Variants in YEATS2 observed in about 807,000 individuals in gnomAD.
YEATS2 encodes the protein YEATS domain containing 2.
Under a neutral mutation model 163.2 loss-of-function variants are expected in YEATS2, and 77 were observed. The ratio of observed to expected loss-of-function variants is 0.47; its 90% CI spans 0.39 to 0.57. The LOEUF is 0.57. Among genes scored for constraint, YEATS2 ranks in the 20% least tolerant of loss-of-function variants. YEATS2 has a pLI of 0.00. For missense variants in YEATS2, 1,549 were observed against 1,729.8 expected (o/e 0.90, Z 1.85); for synonymous variants, 631 against 645.1 (o/e 0.98, Z 0.33).
intron 3 of YEATS2, 76 bp from the exon 4 acceptor site, chr3:183,718,424 C>T: frequency 6.6e-6 from 7 of 1,055,634 alleles, no homozygotes; most frequent in South Asian, 1.7e-5. Context: ...ATTCACGTTT[C>T]TTATTTTGTG....
chr3:183,716,289 T>A (rs1448540768), intron 2 of YEATS2, among the ~76,000 whole-genome samples: 1 of 152,188 alleles, frequency 6.6e-6, no homozygotes, highest in African/African-American at 2.4e-5. Flanking sequence ...AAACAAATTA[T>A]TACTGAACTT....
intron 29 of YEATS2, 113 bp downstream of exon 29, chr3:183,808,217 C>T: frequency 1.2e-6 from 1 of 814,536 alleles, no homozygotes; most frequent in African/African-American, 1.8e-5. Flanking sequence ...AATGTCTCGT[C>T]TTATTTGGGC....
intron 1 of YEATS2, among the ~76,000 whole-genome samples, chr3:183,709,357 A>G (rs1714945414): frequency 6.6e-6 from 1 of 151,902 alleles, no homozygotes; most frequent in Non-Finnish European, 1.5e-5. Flanking sequence ...TTTTTTTGAG[A>G]TAAAGTTTCT....
chr3:183,808,229 T>A, intron 29 of YEATS2, 125 bp downstream of exon 29: 2 of 748,734 alleles, frequency 2.7e-6, no homozygotes, highest in Non-Finnish European at 4.2e-6. Context: ...TATTTGGGCT[T>A]AAGTTCTCTC....
chr3:183,724,970 C>T (rs536425696), intron 6 of YEATS2, among the ~76,000 whole-genome samples: 2 of 151,254 alleles, frequency 1.3e-5, no homozygotes, highest in South Asian at 2.1e-4. Context: ...CTTGAACTCC[C>T]GACCTCAGGT....
intron 4 of YEATS2, among the ~76,000 whole-genome samples, chr3:183,721,216 T>C (rs1191907205): frequency 1.3e-5 from 2 of 152,238 alleles, no homozygotes; most frequent in South Asian, 2.1e-4. Context: ...ACCTTTATTA[T>C]TGAAATTCAA....
intron 8 of YEATS2, among the ~76,000 whole-genome samples, chr3:183,742,757 A>G (rs561875672): frequency 6.6e-6 from 1 of 152,348 alleles, no homozygotes; most frequent in South Asian, 2.1e-4. Flanking sequence ...TTGTGGATAA[A>G]ACACTGTCAA....
chr3:183,778,998 G>C (rs1043196003), intron 19 of YEATS2, among the ~76,000 whole-genome samples: 3 of 151,576 alleles, frequency 2.0e-5, no homozygotes, highest in South Asian at 2.1e-4. Flanking sequence ...TGTTGCCCAG[G>C]CTCCTGGGTT....
chr3:183,704,670 C>T (rs1714440407), intron 1 of YEATS2, among the ~76,000 whole-genome samples: 1 of 151,776 alleles, frequency 6.6e-6, no homozygotes, highest in African/African-American at 2.4e-5. Flanking sequence ...CACTCTGTTG[C>T]CCAGGCTGGA....
chr3:183,778,614 C>G (rs572426460), intron 19 of YEATS2, among the ~76,000 whole-genome samples: 1 of 152,056 alleles, frequency 6.6e-6, no homozygotes, highest in Non-Finnish European at 1.5e-5. Flanking sequence ...CCTCGGCCTC[C>G]GAAAGTGCTG....
intron 16 of YEATS2, among the ~76,000 whole-genome samples, chr3:183,772,871 T>C (rs1027669829): frequency 5.3e-5 from 8 of 152,152 alleles, no homozygotes; most frequent in African/African-American, 1.9e-4. Flanking sequence ...AATCCACAGA[T>C]GCTAATCCAC....
intron 18 of YEATS2, 109 bp downstream of exon 18, chr3:183,776,232 C>CG: frequency 2.7e-6 from 3 of 1,115,710 alleles, no homozygotes; most frequent in Non-Finnish European, 3.7e-6. Context: ...AATACTAACA[C>CG]CTTAACCGTG....
At chr3:183,807,475 C>T (rs962549878) in intron 28 of YEATS2, 34 of 276,748 alleles carry the variant, frequency 1.2e-4, no homozygotes, top group South Asian at 3.9e-5. Flanking sequence ...TGCACGTCAG[C>T]GCGTAATCCT....
In YEATS2 at chr3:183,764,146, C is replaced by T. The variant is rs138078522; in HGVS notation, c.1947+1867C>T. ...CAGCACTTTGAGAGGCTGAGGCGTG[C>T]GTTATCACCTGAGGTCAGATGTTGA... On this transcript the variant is annotated intron_variant, in intron 15 of 30. Coordinates refer to ENST00000305135, the MANE Select transcript of YEATS2 (RefSeq NM_018023.5). Among the ~76,000 whole-genome samples, 296 of 151,964 alleles carry T rather than the reference C, an allele frequency of 1.9e-3. 2 individuals are homozygous for T. The Middle Eastern group carries it at 0.021, about 11-fold the overall frequency.
chr3:183,784,368 G>A (rs77277496), intron 19 of YEATS2, among the ~76,000 whole-genome samples: 5,250 of 152,098 alleles, frequency 0.035, 312 homozygotes, highest in African/African-American at 0.12. Context: ...TTTCATGTTT[G>A]TTGGCTACTT....
At position 183,765,409 on chromosome 3, in the gene YEATS2, T is replaced by C. The variant is rs754098545; in HGVS notation, c.1947+3130T>C. On this transcript the variant is annotated intron_variant, in intron 15 of 30. Coordinates refer to ENST00000305135, the MANE Select transcript of YEATS2 (RefSeq NM_018023.5). ...ACTGACTTGTCACATGGCCACCTAC[T>C]TAATGGTAAATGTAAGGTTGGAGGA... 2.0e-5 allele frequency among the ~76,000 whole-genome samples: 3 copies of C among 152,164 alleles called. No homozygotes were observed. The South Asian group carries it at 6.2e-4, about 32-fold the overall frequency.
intron 7 of YEATS2, among the ~76,000 whole-genome samples, chr3:183,731,508 G>T (rs1357041596): frequency 1.3e-5 from 2 of 152,086 alleles, no homozygotes; most frequent in African/African-American, 4.8e-5. Flanking sequence ...CCATAAATGA[G>T]AATTTGTAAA....
intron 7 of YEATS2, among the ~76,000 whole-genome samples, chr3:183,733,588 T>G (rs1313159914): frequency 6.6e-6 from 1 of 152,218 alleles, no homozygotes; most frequent in Non-Finnish European, 1.5e-5. Context: ...TCTTAAGATG[T>G]TTGTTGTGTT....
At chr3:183,722,721 C>T (rs1010996403) in intron 5 of YEATS2, among the ~76,000 whole-genome samples, 4 of 152,122 alleles carry the variant, frequency 2.6e-5, no homozygotes, top group South Asian at 2.1e-4. Flanking sequence ...GGCGCAATCT[C>T]GGCTCATTGC....
Sources: allele counts gnomAD v4.1 joint callset (sites outside exome capture counted in the v4.1 genomes callset), GRCh38; gene constraint gnomAD v4.1.1; transcripts MANE v1.5; gene names NCBI Gene and HGNC (gene_info 2026-07-23, HGNC 2026-07-21).